Variants in CLVS1 observed in about 807,000 individuals in gnomAD.
CLVS1 encodes clavesin 1.
A neutral mutation model predicts 33.1 loss-of-function variants in CLVS1; 10 were observed. That is an observed-to-expected ratio of 0.30 (90% CI 0.19 to 0.51). CLVS1 has a LOEUF of 0.51. Ranked by LOEUF, CLVS1 falls within the 20% of genes least tolerant of loss-of-function variation. The pLI is 0.97. For missense variants in CLVS1, 343 were observed against 433.4 expected (o/e 0.79, Z 1.85); for synonymous variants, 163 against 166.1 (o/e 0.98, Z 0.14).
chr8:61,249,923 G>A (rs1359581226), intron 2 of CLVS1, among the ~76,000 whole-genome samples: 2 of 152,058 alleles, frequency 1.3e-5, no homozygotes, highest in Non-Finnish European at 1.5e-5. Context: ...AGTTTAATTC[G>A]ATCCCATTTG....
rs1277663548 is a variant in CLVS1, at chr8:61,300,292, G to A, written c.455+10G>A. The stretch of plus-strand genomic sequence containing the variant: ...ATTGGGATCAGAGTAGGTAAATGTA[G>A]ATAGTGTCTTTACTTGGTTTTTCTT... On this transcript the variant is annotated intron_variant, in intron 2 of 5. Transcript: ENST00000325897. 1.2e-6 allele frequency: 2 copies of A among 1,602,164 alleles called. No individual in the cohort carries two copies. Among genetic ancestry groups the A allele is most frequent in the East Asian group, 4.5e-5 (2 of 44,718 alleles).
intron 2 of CLVS1, among the ~76,000 whole-genome samples, chr8:61,168,072 C>T (rs890572553): frequency 1.3e-5 from 2 of 152,196 alleles, no homozygotes; most frequent in Non-Finnish European, 2.9e-5. Context: ...TGAATTCTTT[C>T]TTGTGAGAGA....
In CLVS1 at chr8:61,267,057, C is replaced by T. The variant is rs1253009493; in HGVS notation, c.-151-32620C>T. Among the ~76,000 whole-genome samples, 3 of 152,198 alleles carry T rather than the reference C, an allele frequency of 2.0e-5. No homozygotes were observed. In the East Asian group the frequency reaches 5.8e-4, roughly 29 times the overall value. On this transcript the variant is annotated intron_variant, in intron 2 of 2. Transcript: ENST00000522621. ...AGGCATTCAAGCCCAGAATGGGTGC[C>T]TGATGGTAGAAATAAAATTGCCATT...
the CLVS1 span, among the ~76,000 whole-genome samples, chr8:61,042,586 A>G: frequency 1.5e-3 from 152 of 101,158 alleles, 2 homozygotes; most frequent in Admixed American, 0.011. Context: ...ACCTCCCAAT[A>G]CTATCACATT....
At chr8:61,229,662 C>T (rs1022873349) in intron 2 of CLVS1, among the ~76,000 whole-genome samples, 3 of 152,224 alleles carry the variant, frequency 2.0e-5, no homozygotes, top group Non-Finnish European at 4.4e-5. Context: ...GATAGAGTCT[C>T]GCTCTGTCGC....
intron 2 of CLVS1, among the ~76,000 whole-genome samples, chr8:61,141,495 T>A (rs1416756097): frequency 6.6e-6 from 1 of 152,070 alleles, no homozygotes; most frequent in African/African-American, 2.4e-5. Flanking sequence ...ATATATATAT[T>A]TTACATATGG....
At chr8:61,458,262 T>C (rs1452177555) in intron 4 of CLVS1, 45 bp from the exon 5 acceptor site, 1 of 1,375,240 alleles carries the variant, frequency 7.3e-7, no homozygotes, top group Non-Finnish European at 1.0e-6. Context: ...TTTGGTCGTA[T>C]GTTTTGGATT....
At chr8:61,475,261 G>A (rs1429774861) in intron 5 of CLVS1, among the ~76,000 whole-genome samples, 1 of 152,220 alleles carries the variant, frequency 6.6e-6, no homozygotes, top group African/African-American at 2.4e-5. Flanking sequence ...AAACATGCGT[G>A]TGCATGTGTC....
At chr8:61,435,004 T>C (rs776287641) in intron 3 of CLVS1, among the ~76,000 whole-genome samples, 4 of 152,150 alleles carry the variant, frequency 2.6e-5, no homozygotes, top group Admixed American at 2.6e-4. Flanking sequence ...CAGAGTCAGA[T>C]TGAAAAGTAA....
At chr8:61,274,457 G>A (rs901626457) in intron 2 of CLVS1, among the ~76,000 whole-genome samples, 1 of 152,140 alleles carries the variant, frequency 6.6e-6, no homozygotes, top group African/African-American at 2.4e-5. Context: ...AACCAAGGAT[G>A]TACTTAATTC....
At chr8:61,261,423 C>G (rs780106798) in intron 2 of CLVS1, among the ~76,000 whole-genome samples, 8 of 152,124 alleles carry the variant, frequency 5.3e-5, no homozygotes, top group Non-Finnish European at 1.2e-4. Context: ...AGAGGGTCCC[C>G]TGTTAGACAT....
At chr8:61,069,218 T>C (rs1585585964) in intron 1 of CLVS1, among the ~76,000 whole-genome samples, 1 of 152,320 alleles carries the variant, frequency 6.6e-6, no homozygotes, top group Admixed American at 6.5e-5. Flanking sequence ...TCCACCTGCC[T>C]CAGCCTCCCA....
intron 1 of CLVS1, among the ~76,000 whole-genome samples, chr8:61,298,971 C>G (rs1810325134): frequency 6.6e-6 from 1 of 152,096 alleles, no homozygotes; most frequent in East Asian, 1.9e-4. Flanking sequence ...CTCTGCTTTC[C>G]TAGTAAAAGA....
At chr8:61,297,129 A>G (rs1810242332) in intron 1 of CLVS1, among the ~76,000 whole-genome samples, 1 of 152,322 alleles carries the variant, frequency 6.6e-6, no homozygotes, top group East Asian at 1.9e-4. Flanking sequence ...TGGCCAGACA[A>G]TAAATCTGGA....
intron 5 of CLVS1, among the ~76,000 whole-genome samples, chr8:61,462,363 T>TTTTGTTTG (rs1006385991): frequency 5.3e-5 from 8 of 152,152 alleles, no homozygotes; most frequent in African/African-American, 1.9e-4. Context: ...TATGAAATGT[T>TTTTGTTTG]TTTGTTTGTT....
chr8:61,023,495 GTTAAA>G, the CLVS1 span, among the ~76,000 whole-genome samples: 1 of 152,218 alleles, frequency 6.6e-6, no homozygotes, highest in African/African-American at 2.4e-5. Flanking sequence ...AATTTAGTAA[GTTAAA>G]TTAAATAATA....
At chr8:61,043,895 G>A in the CLVS1 span, among the ~76,000 whole-genome samples, 1 of 152,174 alleles carries the variant, frequency 6.6e-6, no homozygotes, top group African/African-American at 2.4e-5. Flanking sequence ...GCCCTCTAAA[G>A]TAAGTAACAA....
chr8:61,186,144 G>C (rs1164150734), intron 2 of CLVS1, among the ~76,000 whole-genome samples: 1 of 152,186 alleles, frequency 6.6e-6, no homozygotes, highest in Middle Eastern at 3.2e-3. Context: ...GGCCTGTGGG[G>C]AAAAGGGTCA....
At chr8:61,440,072 A>G (rs977716824) in intron 3 of CLVS1, among the ~76,000 whole-genome samples, 9 of 152,322 alleles carry the variant, frequency 5.9e-5, no homozygotes, top group African/African-American at 2.2e-4. Flanking sequence ...TAAACTCTGC[A>G]TCTTCTCTTT....
Sources: allele counts gnomAD v4.1 joint callset (sites outside exome capture counted in the v4.1 genomes callset), GRCh38; gene constraint gnomAD v4.1.1; transcripts MANE v1.5; gene names NCBI Gene and HGNC (gene_info 2026-07-23, HGNC 2026-07-21).